NBAS: variants seen among roughly 807,000 people sequenced by gnomAD.
NBAS encodes the protein NBAS subunit of NRZ tethering complex, also known as NAG/BC035112 fusion.
NBAS carries 219 observed loss-of-function variants against 302.5 expected under a neutral mutation model. That is an observed-to-expected ratio of 0.72 (90% CI 0.65 to 0.81). The LOEUF (loss-of-function observed/expected upper bound fraction) is 0.81. Ranked by LOEUF, NBAS falls within the 30% of genes least tolerant of loss-of-function variation. NBAS has a pLI of 0.00. For missense variants in NBAS, 2,932 were observed against 2,841.6 expected (o/e 1.03, Z -0.72); for synonymous variants, 1,118 against 1,021.6 (o/e 1.09, Z -1.80).
the NBAS span, among the ~76,000 whole-genome samples, chr2:15,072,371 T>C: frequency 6.6e-6 from 1 of 152,246 alleles, no homozygotes; most frequent in African/African-American, 2.4e-5. Context: ...TGTTTTCTTA[T>C]TGATTGGTGT....
chr2:15,242,858 C>T (rs1304616121), intron 44 of NBAS, among the ~76,000 whole-genome samples: 2 of 151,760 alleles, frequency 1.3e-5, no homozygotes, highest in Admixed American at 6.6e-5. Flanking sequence ...GTGGCTAAAC[C>T]GTTTCATCAG....
intron 41 of NBAS, among the ~76,000 whole-genome samples, chr2:15,288,403 C>A (rs184156693): frequency 6.1e-4 from 93 of 152,152 alleles, no homozygotes; most frequent in African/African-American, 2.1e-3. Context: ...AAACACACAC[C>A]CAGCAGAGGG....
At chr2:14,902,402 G>A in the NBAS span, among the ~76,000 whole-genome samples, 6 of 152,302 alleles carry the variant, frequency 3.9e-5, no homozygotes, top group South Asian at 6.2e-4. Flanking sequence ...AAAGTGCTTG[G>A]ATTACAGATT....
At chr2:15,472,566 C>G (rs1680005968) in intron 16 of NBAS, among the ~76,000 whole-genome samples, 1 of 152,146 alleles carries the variant, frequency 6.6e-6, no homozygotes, top group Non-Finnish European at 1.5e-5. Context: ...TAAACCCCAA[C>G]CTCAGCTCAC....
chr2:15,051,013 T>C, the NBAS span, among the ~76,000 whole-genome samples: 2 of 152,188 alleles, frequency 1.3e-5, no homozygotes. Flanking sequence ...CCCAGTAAGC[T>C]GCTCAGCATA....
chr2:15,382,787 T>C (rs893131324), intron 29 of NBAS, among the ~76,000 whole-genome samples: 2 of 152,182 alleles, frequency 1.3e-5, no homozygotes, highest in South Asian at 2.1e-4. Flanking sequence ...GGGTGTGTCA[T>C]GAAAAGATTT....
chr2:15,114,907 A>G, the NBAS span, among the ~76,000 whole-genome samples: 72 of 152,338 alleles, frequency 4.7e-4, 1 homozygote, highest in African/African-American at 1.7e-3. Context: ...ATTATGATAA[A>G]TACAAGAAGA....
the NBAS span, among the ~76,000 whole-genome samples, chr2:15,110,363 T>A: frequency 6.6e-6 from 1 of 152,106 alleles, no homozygotes; most frequent in African/African-American, 2.4e-5. Flanking sequence ...CCCAGGAAAG[T>A]GATGTGCAAG....
intron 21 of NBAS, among the ~76,000 whole-genome samples, chr2:15,443,245 A>G (rs553617663): frequency 6.6e-6 from 1 of 152,122 alleles, no homozygotes; most frequent in South Asian, 2.1e-4. Flanking sequence ...CTGATGCAAA[A>G]ATCCTCAATA....
At chr2:15,118,034 G>C in the NBAS span, among the ~76,000 whole-genome samples, 1 of 152,206 alleles carries the variant, frequency 6.6e-6, no homozygotes, top group African/African-American at 2.4e-5. Flanking sequence ...GTGTTTATCA[G>C]GAATGGGCTT....
chr2:15,276,873 C>A lies in NBAS; in HGVS notation c.5367G>T (p.Lys1789Asn). 1 of 1,614,066 alleles carries A rather than the reference C, an allele frequency of 6.2e-7. No individual in the cohort carries two copies. The highest frequency in any genetic ancestry group is 8.5e-7 in the Non-Finnish European group (1 of 1,179,954). Residue 1789 changes from lysine (K) to asparagine (N), a missense_variant, in exon 43 of 52, where the codon AAG becomes AAT. By Grantham distance (94) the Lys-to-Asn change is moderately conservative (BLOSUM62 0). Transcript: ENST00000281513. ...TACCTGATGCAACAACCTTAAACTTCTTCAGCAGTCGAATGTGGGTTTCTG... is the reference window on the plus strand; with the variant it reads ...TACCTGATGCAACAACCTTAAACTTATTCAGCAGTCGAATGTGGGTTTCTG... ...IKPETHIRLLKKFKVVASGLN... is the reference protein window; with the variant it reads ...IKPETHIRLLNKFKVVASGLN...
At chr2:15,541,014 G>A (rs1395762447) in intron 6 of NBAS, among the ~76,000 whole-genome samples, 1 of 152,004 alleles carries the variant, frequency 6.6e-6, no homozygotes. Flanking sequence ...GTGAGCCACC[G>A]CACCCCGCCC....
At chr2:15,297,164 T>A (rs908893128) in intron 40 of NBAS, among the ~76,000 whole-genome samples, 1 of 152,214 alleles carries the variant, frequency 6.6e-6, no homozygotes, top group Non-Finnish European at 1.5e-5. Context: ...GTTTTACGGA[T>A]GAATAAAGAA....
At chr2:15,238,747 A>T (rs1667724885) in intron 44 of NBAS, 61 bp from the exon 45 acceptor site, 1 of 1,463,288 alleles carries the variant, frequency 6.8e-7, no homozygotes, top group Non-Finnish European at 9.4e-7. Flanking sequence ...CATATTCAGC[A>T]AGTGTTAATG....
At chr2:15,442,099 G>A (rs1004777104) in intron 21 of NBAS, among the ~76,000 whole-genome samples, 6 of 132,238 alleles carry the variant, frequency 4.5e-5, no homozygotes, top group Non-Finnish European at 8.2e-5. Flanking sequence ...ACAGATCAAC[G>A]AGACAGATAG....
chr2:15,451,175 C>T (rs1385792322), intron 21 of NBAS, among the ~76,000 whole-genome samples: 1 of 152,114 alleles, frequency 6.6e-6, no homozygotes, highest in Non-Finnish European at 1.5e-5. Context: ...CCTCAGCCCC[C>T]GAGTAGCTGG....
rs61152926 is a variant in NBAS, at chr2:15,229,347, CAAAAAAAAAAAAAAAAA to C, written c.6236+3058_6236+3074del. ...CACTGCAAGACTCTGTCTCAAAAAACAAAAAAAAAAAAAAAAAAAAAAAAAAAGAACATTACATTGTA... is the reference window on the plus strand; with the variant it reads ...CACTGCAAGACTCTGTCTCAAAAAACAAAAAAAAAAGAACATTACATTGTA... On this transcript the variant is annotated intron_variant, in intron 47 of 51. Coordinates refer to ENST00000281513, the MANE Select transcript of NBAS (RefSeq NM_015909.4). Among the ~76,000 whole-genome samples the C allele has an allele frequency of 2.6e-5, 2 of 76,924 alleles. 1 individual carries two copies. The highest frequency in any genetic ancestry group is 3.3e-4 in the Admixed American group (2 of 6,146). 50.5% of individuals were successfully genotyped at this position (76,924 alleles called of 152,430 possible). A position where few individuals can be genotyped will look rare whatever the true frequency, so the allele number is the denominator to read the frequency against.
chr2:15,030,943 T>A, the NBAS span, among the ~76,000 whole-genome samples: 1 of 152,182 alleles, frequency 6.6e-6, no homozygotes, highest in African/African-American at 2.4e-5. Context: ...GGCCTCTCCA[T>A]GTGTGATGTC....
the NBAS span, among the ~76,000 whole-genome samples, chr2:14,786,622 T>C: frequency 6.6e-6 from 1 of 152,198 alleles, no homozygotes; most frequent in African/African-American, 2.4e-5. Context: ...TTGCATGTAG[T>C]TGAGCGGTTT....
Sources: allele counts gnomAD v4.1 joint callset (sites outside exome capture counted in the v4.1 genomes callset), GRCh38; gene constraint gnomAD v4.1.1; transcripts MANE v1.5; gene names NCBI Gene and HGNC (gene_info 2026-07-23, HGNC 2026-07-21).